CNTNAP5: variants seen among roughly 807,000 people sequenced by gnomAD.
CNTNAP5 encodes the protein contactin associated protein family member 5.
Under a neutral mutation model 150.2 loss-of-function variants are expected in CNTNAP5, and 72 were observed. That is an observed-to-expected ratio of 0.48 (90% CI 0.40 to 0.58). CNTNAP5 has a LOEUF of 0.58. Among genes scored for constraint, CNTNAP5 ranks in the 20% least tolerant of loss-of-function variants. The pLI is 0.00. For missense variants in CNTNAP5, 1,636 were observed against 1,626.2 expected, an observed-to-expected ratio of 1.01 and a Z score of -0.10; for synonymous variants, 672 against 619.8, an observed-to-expected ratio of 1.08 and a Z score of -1.25.
At chr2:124,093,245 C>T (rs1682856151) in intron 1 of CNTNAP5, among the ~76,000 whole-genome samples, 1 of 152,160 alleles carries the variant, frequency 6.6e-6, no homozygotes, top group South Asian at 2.1e-4. Flanking sequence ...ATTGGCAAGT[C>T]CTTTGGCTTT....
chr2:124,247,934 CTCCTT>C (rs1436128484), intron 3 of CNTNAP5, among the ~76,000 whole-genome samples: 1 of 152,140 alleles, frequency 6.6e-6, no homozygotes, highest in Non-Finnish European at 1.5e-5. Context: ...AAATGGTTCT[CTCCTT>C]TGTTCTCTCA....
intron 11 of CNTNAP5, among the ~76,000 whole-genome samples, chr2:124,598,970 C>T (rs996498238): frequency 2.6e-5 from 4 of 152,184 alleles, no homozygotes; most frequent in East Asian, 3.9e-4. Flanking sequence ...CTTGCGCTTC[C>T]CAGGTGAGGC....
intron 21 of CNTNAP5, among the ~76,000 whole-genome samples, chr2:124,893,980 CA>C (rs1678253461): frequency 6.6e-6 from 1 of 152,022 alleles, no homozygotes; most frequent in African/African-American, 2.4e-5. Context: ...TATAACTCAT[CA>C]AAAATGACCA....
intron 1 of CNTNAP5, among the ~76,000 whole-genome samples, chr2:124,097,400 A>G (rs1324332466): frequency 1.3e-5 from 2 of 152,208 alleles, no homozygotes; most frequent in Admixed American, 1.3e-4. Flanking sequence ...GATAGCATCA[A>G]GAAGTTTTTA....
chr2:124,752,927 G>A (rs2105152081), intron 14 of CNTNAP5, among the ~76,000 whole-genome samples: 1 of 152,282 alleles, frequency 6.6e-6, no homozygotes, highest in African/African-American at 2.4e-5. Flanking sequence ...AAGGCAGAGA[G>A]AATACACAAT....
chr2:124,851,700 A>G (rs1358691988), intron 19 of CNTNAP5, among the ~76,000 whole-genome samples: 1 of 152,134 alleles, frequency 6.6e-6, no homozygotes, highest in Non-Finnish European at 1.5e-5. Context: ...GAGGAAGGAG[A>G]AGGCAGAAAT....
intron 19 of CNTNAP5, among the ~76,000 whole-genome samples, chr2:124,849,155 T>C (rs1683106434): frequency 6.6e-6 from 1 of 152,258 alleles, no homozygotes; most frequent in African/African-American, 2.4e-5. Flanking sequence ...TTCAAGTAAA[T>C]TTTTGTATGT....
chr2:124,452,129 G>A (rs776416952), intron 6 of CNTNAP5, among the ~76,000 whole-genome samples: 1 of 152,072 alleles, frequency 6.6e-6, no homozygotes, highest in Non-Finnish European at 1.5e-5. Context: ...GCAGCTGTGA[G>A]GTGGGTAGCC....
intron 13 of CNTNAP5, among the ~76,000 whole-genome samples, chr2:124,676,763 A>G (rs1328265800): frequency 6.6e-6 from 1 of 152,246 alleles, no homozygotes; most frequent in African/African-American, 2.4e-5. Flanking sequence ...TTAAAGCACC[A>G]TAATAAGCCT....
Position 124,475,642 on chromosome 2 carries a change from A to G in CNTNAP5, c.1062+760A>G, listed in dbSNP as rs533148019. ...ATTCACTCTTTTATCATTATATAAT[A>G]TTATTATTTGTCTCTGATAACTCTC... On this transcript the variant is annotated intron_variant, in intron 7 of 23. Coordinates refer to ENST00000682447, the MANE Select transcript of CNTNAP5 (RefSeq NM_001367498.1). Among the ~76,000 whole-genome samples the G allele has an allele frequency of 1.6e-4, 24 of 152,138 alleles. No homozygotes were observed. The South Asian group carries it at 4.6e-3, about 29-fold the overall frequency.
At position 124,685,156 on chromosome 2, in the gene CNTNAP5, G is replaced by A. The variant is rs1034239368; in HGVS notation, c.2077+37198G>A. Reference sequence around the variant, plus strand: ...TCAAAATGTAAATTGCTTGTGAGCCGAGACACCCCTGGATGAAAATCCCCT... The same window carrying A: ...TCAAAATGTAAATTGCTTGTGAGCCAAGACACCCCTGGATGAAAATCCCCT... On this transcript the variant is annotated intron_variant, in intron 13 of 23. Transcript: ENST00000682447. Among the ~76,000 whole-genome samples the A allele has an allele frequency of 3.3e-5, 5 of 152,180 alleles. No homozygotes were observed. The South Asian group carries it at 6.2e-4, about 19-fold the overall frequency.
chr2:124,347,845 G>C (rs1436762085), intron 3 of CNTNAP5, among the ~76,000 whole-genome samples: 1 of 144,592 alleles, frequency 6.9e-6, no homozygotes, highest in Non-Finnish European at 1.5e-5. Context: ...TTTTTTTTGA[G>C]ACGGAGTCTT....
In CNTNAP5 at chr2:124,179,194, TG is replaced by T. The variant is rs1438053842; in HGVS notation, c.83-42509del. 5.9e-5 allele frequency among the ~76,000 whole-genome samples: 9 copies of T among 152,098 alleles called. No individual in the cohort carries two copies. In the East Asian group the frequency reaches 1.2e-3, roughly 20 times the overall value. On this transcript the variant is annotated intron_variant, in intron 1 of 23. Transcript: ENST00000682447. Reference sequence around the variant, plus strand: ...AATTTTGATATGGAGTCTTGCTCTGTGGCCCAGGCTGGAGTACAGCAGTAGC... The same window carrying T: ...AATTTTGATATGGAGTCTTGCTCTGTGCCCAGGCTGGAGTACAGCAGTAGC...
chr2:124,274,046 T>C (rs1573883464), intron 3 of CNTNAP5, among the ~76,000 whole-genome samples: 1 of 152,202 alleles, frequency 6.6e-6, no homozygotes, highest in African/African-American at 2.4e-5. Context: ...AGAGTTGACA[T>C]CAACTTAGCA....
chr2:124,800,383 A>AC (rs1290359505), intron 19 of CNTNAP5, among the ~76,000 whole-genome samples: 1 of 152,194 alleles, frequency 6.6e-6, no homozygotes, highest in Non-Finnish European at 1.5e-5. Flanking sequence ...ATACACACAC[A>AC]CACACACAAA....
At chr2:124,697,480 G>A (rs545258200) in intron 13 of CNTNAP5, among the ~76,000 whole-genome samples, 2 of 152,180 alleles carry the variant, frequency 1.3e-5, no homozygotes, top group South Asian at 4.1e-4. Flanking sequence ...TTTTAATCCA[G>A]TGTTATCTCT....
rs201654852 is a variant in CNTNAP5, at chr2:124,431,508, GAT to G, written c.530-2956_530-2955del. Among the ~76,000 whole-genome samples, 19 of 114,244 alleles carry G rather than the reference GAT, an allele frequency of 1.7e-4. 1 individual carries two copies. The East Asian group carries it at 1.8e-3, about 11-fold the overall frequency. The allele number at this position is 114,244 out of a possible 152,430, so 74.9% of individuals were successfully genotyped here. On this transcript the variant is annotated intron_variant, in intron 4 of 23. Coordinates refer to ENST00000682447, the MANE Select transcript of CNTNAP5 (RefSeq NM_001367498.1). ...ATTGCTTGGACAAAAAAGTGTCAAA[GAT>G]ATATATATATATATATATAAAATTT...
At position 124,242,188 on chromosome 2, in the gene CNTNAP5, A is replaced by G. The variant is rs1305306158; in HGVS notation, c.188-12A>G. The G allele has an allele frequency of 7.0e-6, 11 of 1,572,866 alleles. No homozygotes were observed. The highest frequency in any genetic ancestry group is 9.5e-6 in the Non-Finnish European group (11 of 1,157,672). On this transcript the variant is annotated splice_polypyrimidine_tract_variant and intron_variant, in intron 2 of 23. Transcript: ENST00000682447. ...CTACAACTCTCTCTCACTCTCTCTG[A>G]TCCTGTTCCAGGAACTGGCGGTTGG...
At chr2:124,400,679 T>TTTTG (rs1691393023) in intron 3 of CNTNAP5, among the ~76,000 whole-genome samples, 2 of 101,444 alleles carry the variant, frequency 2.0e-5, no homozygotes, top group South Asian at 4.5e-4. Flanking sequence ...GTTTTTTTTT[T>TTTTG]TTTTTTTTTG....
Sources: allele counts gnomAD v4.1 joint callset (sites outside exome capture counted in the v4.1 genomes callset), GRCh38; gene constraint gnomAD v4.1.1; transcripts MANE v1.5; gene names NCBI Gene and HGNC (gene_info 2026-07-23, HGNC 2026-07-21).